Variants in CPA6 observed in about 807,000 individuals in gnomAD.
The protein encoded by CPA6 is carboxypeptidase A6.
CPA6 carries 58 observed loss-of-function variants against 63.3 expected under a neutral mutation model. That is an observed-to-expected ratio of 0.92 (90% CI 0.74 to 1.14). The LOEUF (loss-of-function observed/expected upper bound fraction) is 1.14. CPA6 is among the 50% of genes most tolerant of loss of function. The pLI is 0.00. For synonymous variants in CPA6, 185 were observed against 179.0 expected (o/e 1.03, Z -0.27); for missense variants, 565 against 526.6 (o/e 1.07, Z -0.71).
At chr8:67,504,543 GA>G (rs1444502929) in intron 6 of CPA6, among the ~76,000 whole-genome samples, 1 of 152,176 alleles carries the variant, frequency 6.6e-6, no homozygotes, top group Non-Finnish European at 1.5e-5. Context: ...GCTGGCCTAG[GA>G]AGAAGCTTAT....
At chr8:67,563,597 C>T (rs1813266359) in intron 2 of CPA6, among the ~76,000 whole-genome samples, 1 of 152,154 alleles carries the variant, frequency 6.6e-6, no homozygotes, top group Non-Finnish European at 1.5e-5. Flanking sequence ...GAAGGAATCT[C>T]ATATCCAGCT....
intron 1 of CPA6, among the ~76,000 whole-genome samples, chr8:67,644,245 A>T (rs1815662670): frequency 6.6e-6 from 1 of 151,676 alleles, no homozygotes; most frequent in Non-Finnish European, 1.5e-5. Flanking sequence ...CAGCCTCCCG[A>T]GCAGCTGGGA....
At chr8:67,521,534 T>C (rs987693697) in intron 2 of CPA6, among the ~76,000 whole-genome samples, 3 of 152,258 alleles carry the variant, frequency 2.0e-5, no homozygotes, top group East Asian at 3.8e-4. Context: ...AATCACTGTT[T>C]CTTATTATTG....
chr8:67,691,199 T>G (rs1816806569), intron 1 of CPA6, among the ~76,000 whole-genome samples: 1 of 152,228 alleles, frequency 6.6e-6, no homozygotes, highest in South Asian at 2.1e-4. Flanking sequence ...TCATATTGAC[T>G]TCATACATCT....
rs145313184 is a variant in CPA6 at position 67,542,916 on chromosome 8, T to A, written c.193-24869A>T. Among the ~76,000 whole-genome samples, 332 of 152,324 alleles carry A rather than the reference T, an allele frequency of 2.2e-3. 1 individual carries two copies. The highest frequency in any genetic ancestry group is 7.7e-3 in the African/African-American group (321 of 41,580). On this transcript the variant is annotated intron_variant, in intron 2 of 10. Transcript: ENST00000297770. ...AAAGCTCAGTGACCTCAGCCCTCCA[T>A]CACCCCTTTCCATCAAACTGCTGCT...
chr8:67,431,868 C>A (rs569979434), intron 9 of CPA6, among the ~76,000 whole-genome samples: 1 of 152,280 alleles, frequency 6.6e-6, no homozygotes, highest in East Asian at 1.9e-4. Flanking sequence ...AGGCCCTCCA[C>A]AAGTCTTAGA....
chr8:67,591,677 GCT>G (rs1177037704), intron 2 of CPA6, among the ~76,000 whole-genome samples: 2 of 151,992 alleles, frequency 1.3e-5, no homozygotes, highest in Non-Finnish European at 2.9e-5. Context: ...TCATGATTTG[GCT>G]CTCTGTTTGT....
intron 1 of CPA6, among the ~76,000 whole-genome samples, chr8:67,662,574 T>C (rs1020347065): frequency 8.1e-5 from 10 of 123,792 alleles, no homozygotes; most frequent in Middle Eastern, 3.8e-3. Flanking sequence ...ATAGAATACA[T>C]ACACATGTAT....
chr8:67,506,722 C>A lies in CPA6; in HGVS notation c.636+65G>T, dbSNP rs1811933708. On this transcript the variant is annotated intron_variant, in intron 6 of 10. Coordinates refer to ENST00000297770, the MANE Select transcript of CPA6 (RefSeq NM_020361.5). ...GGTTTCAAATTCCCACTTTGTTAAG[C>A]AGAATAAAAACACAGGGAAGCACTG... The A allele has an allele frequency of 2.9e-6, 3 of 1,025,176 alleles. No individual in the cohort carries two copies. The African/African-American group carries it at 4.7e-5, about 16-fold the overall frequency. 63.5% of individuals were successfully genotyped at this position (1,025,176 alleles called of 1,614,324 possible).
chr8:67,518,258 T>G (rs1812188309), intron 2 of CPA6, among the ~76,000 whole-genome samples: 1 of 152,214 alleles, frequency 6.6e-6, no homozygotes, highest in Non-Finnish European at 1.5e-5. Flanking sequence ...GATCATAATT[T>G]GCAAATAATA....
intron 8 of CPA6, among the ~76,000 whole-genome samples, chr8:67,455,047 C>A (rs1481594268): frequency 1.3e-5 from 2 of 151,622 alleles, no homozygotes; most frequent in East Asian, 1.9e-4. Context: ...GGAGGGAGCT[C>A]AAAAAAATAC....
intron 6 of CPA6, among the ~76,000 whole-genome samples, chr8:67,496,687 AGT>A (rs1275077425): frequency 6.6e-6 from 1 of 151,076 alleles, no homozygotes; most frequent in East Asian, 1.9e-4. Context: ...CAGCCTCCAC[AGT>A]AGCTGGGATT....
At chr8:67,566,839 T>C (rs1022293092) in intron 2 of CPA6, among the ~76,000 whole-genome samples, 1 of 152,202 alleles carries the variant, frequency 6.6e-6, no homozygotes, top group Admixed American at 6.5e-5. Flanking sequence ...ATGCTTAATA[T>C]TCATGTACTG....
At position 67,646,852 on chromosome 8, in the gene CPA6, C is replaced by G. The variant is rs184577195; in HGVS notation, c.117-22601G>C. 4.8e-4 allele frequency among the ~76,000 whole-genome samples: 73 copies of G among 152,246 alleles called. 1 individual carries two copies. Among genetic ancestry groups the G allele is most frequent in the Non-Finnish European group, 9.1e-4 (62 of 68,010 alleles). On this transcript the variant is annotated intron_variant, in intron 1 of 10. Transcript: ENST00000297770. The stretch of plus-strand genomic sequence containing the variant: ...CCTGTTTGAGGACAGGAAGACAGTC[C>G]ATGTTTCTGCAGCTGAGACTGGAAA...
At chr8:67,505,442 T>C (rs146831302) in intron 6 of CPA6, among the ~76,000 whole-genome samples, 8 of 152,314 alleles carry the variant, frequency 5.3e-5, no homozygotes, top group African/African-American at 1.9e-4. Flanking sequence ...GCTGGGGAGA[T>C]ACATTCTCAT....
chr8:67,544,104 A>T (rs1348887575), intron 2 of CPA6, among the ~76,000 whole-genome samples: 1 of 152,190 alleles, frequency 6.6e-6, no homozygotes, highest in Non-Finnish European at 1.5e-5. Flanking sequence ...ATTATTTTTT[A>T]AAATTCCTGA....
chr8:67,429,180 G>A (rs1352512432), intron 9 of CPA6, among the ~76,000 whole-genome samples: 5 of 152,132 alleles, frequency 3.3e-5, no homozygotes, highest in Admixed American at 2.0e-4. Context: ...AAAGTCTAAG[G>A]TGGAACTTTT....
chr8:67,629,147 A>C (rs1815261467), intron 1 of CPA6, among the ~76,000 whole-genome samples: 1 of 150,080 alleles, frequency 6.7e-6, no homozygotes, highest in Admixed American at 6.6e-5. Context: ...CCAAAAAAAC[A>C]AACAAAAAAA....
chr8:67,483,594 C>T (rs989639213), intron 8 of CPA6, 174 bp downstream of exon 8: 2 of 592,408 alleles, frequency 3.4e-6, no homozygotes, highest in East Asian at 2.9e-5. Flanking sequence ...AAAAAGAATC[C>T]TTTCATTTTC....
Sources: allele counts gnomAD v4.1 joint callset (sites outside exome capture counted in the v4.1 genomes callset), GRCh38; gene constraint gnomAD v4.1.1; transcripts MANE v1.5; gene names NCBI Gene and HGNC (gene_info 2026-07-23, HGNC 2026-07-21).